Variants in UTP6 observed in about 807,000 individuals in gnomAD.
The protein encoded by UTP6 is U3 small nucleolar RNA-associated protein 6 homolog.
A neutral mutation model predicts 96.5 loss-of-function variants in UTP6; 60 were observed. The ratio of observed to expected loss-of-function variants is 0.62; its 90% confidence interval spans 0.51 to 0.77. The LOEUF (loss-of-function observed/expected upper bound fraction) is 0.77. Among genes scored for constraint, UTP6 ranks in the 30% least tolerant of loss-of-function variants. The pLI is 0.00. For synonymous variants in UTP6, 215 were observed against 240.1 expected (o/e 0.90, Z 0.96); for missense variants, 637 against 706.5 (o/e 0.90, Z 1.12).
intron 6 of UTP6, among the ~76,000 whole-genome samples, chr17:31,890,995 T>TA (rs1911461673): frequency 6.6e-6 from 1 of 152,024 alleles, no homozygotes; most frequent in African/African-American, 2.4e-5. Flanking sequence ...CTCAAAAAAA[T>TA]AAAAAATAAA....
At position 31,894,586 on chromosome 17, in the gene UTP6, C is replaced by T. The variant is rs150862148; in HGVS notation, c.312+59G>A. On this transcript the variant is annotated intron_variant, in intron 4 of 18. Transcript: ENST00000261708. ...GAAAACTGCATTTGAATCCCTAATA[C>T]AATATGTATAATACTTATCTTCACA... 1.1e-3 allele frequency: 1,321 copies of T among 1,198,536 alleles called. 6 individuals are homozygous for T. The African/African-American group carries it at 0.018, about 16-fold the overall frequency. 74.2% of individuals were successfully genotyped at this position (1,198,536 alleles called of 1,614,324 possible). A position where few individuals can be genotyped will look rare whatever the true frequency, so the allele number is the denominator to read the frequency against.
intron 10 of UTP6, 81 bp downstream of exon 10, chr17:31,884,343 C>T: frequency 8.6e-7 from 1 of 1,161,092 alleles, no homozygotes. Context: ...TCTTCTTTCT[C>T]TTCTACTAAA....
intron 16 of UTP6, among the ~76,000 whole-genome samples, chr17:31,869,989 T>G (rs1910060834): frequency 6.6e-6 from 1 of 152,230 alleles, no homozygotes; most frequent in Middle Eastern, 3.2e-3. Flanking sequence ...TCCACGCTAC[T>G]GCCAAGAACA....
At chr17:31,889,251 A>G (rs1283415813) in intron 7 of UTP6, 34 bp downstream of exon 7, 15 of 1,509,390 alleles carry the variant, frequency 9.9e-6, no homozygotes, top group African/African-American at 1.4e-5. Context: ...AAACTGAAAC[A>G]TCACTGTCTC....
At chr17:31,870,621 A>C (rs1440707224) in intron 16 of UTP6, among the ~76,000 whole-genome samples, 1 of 150,380 alleles carries the variant, frequency 6.6e-6, no homozygotes, top group Non-Finnish European at 1.5e-5. Flanking sequence ...TCCCGGGTTC[A>C]TGCCATTCTC....
chr17:31,890,015 T>C (rs1355535053), intron 6 of UTP6, among the ~76,000 whole-genome samples: 3 of 151,886 alleles, frequency 2.0e-5, no homozygotes, highest in African/African-American at 7.3e-5. Context: ...TCACATACAA[T>C]TTTTTTCTTT....
rs553020309 is a variant in UTP6 at position 31,871,933 on chromosome 17, C to T, written c.1496+1445G>A. On this transcript the variant is annotated intron_variant, in intron 16 of 18. Coordinates refer to ENST00000261708, the MANE Select transcript of UTP6 (RefSeq NM_018428.3). ...TTTAGGCCGGGCACAGTGGCTCACA[C>T]CTGTAATCCCAACACTTAGGGAGGC... Among the ~76,000 whole-genome samples the T allele has an allele frequency of 3.9e-5, 6 of 152,102 alleles. No homozygotes were observed. The East Asian group carries it at 1.2e-3, about 29-fold the overall frequency.
chr17:31,868,325 G>GGTT (rs1555572807), intron 16 of UTP6, among the ~76,000 whole-genome samples: 3 of 90,504 alleles, frequency 3.3e-5, no homozygotes, highest in Non-Finnish European at 6.1e-5. Context: ...TAGTTTTTTG[G>GGTT]TTTTTTTTTT....
At chr17:31,899,803 T>TCAAAA in intron 1 of UTP6, 73 bp from the exon 2 acceptor site, 2 of 1,106,886 alleles carry the variant, frequency 1.8e-6, no homozygotes, top group Non-Finnish European at 1.3e-6. Flanking sequence ...TTGAATATAT[T>TCAAAA]TAAAACATGT....
chr17:31,894,467 C>G (rs1221288695), intron 4 of UTP6, among the ~76,000 whole-genome samples, 178 bp downstream of exon 4: 1 of 151,916 alleles, frequency 6.6e-6, no homozygotes, highest in Non-Finnish European at 1.5e-5. Context: ...GTAATAAGAT[C>G]AATTTTCTTA....
intron 1 of UTP6, among the ~76,000 whole-genome samples, chr17:31,900,972 A>C (rs1904946919): frequency 2.0e-5 from 3 of 152,220 alleles, no homozygotes; most frequent in African/African-American, 7.2e-5. Context: ...TTGCAAAACA[A>C]AGCAACAGTC....
At chr17:31,879,379 G>C (rs572683170) in intron 11 of UTP6, among the ~76,000 whole-genome samples, 3 of 151,704 alleles carry the variant, frequency 2.0e-5, no homozygotes, top group Non-Finnish European at 4.4e-5. Context: ...AACAGCGTGA[G>C]ACTCTGTCTC....
intron 9 of UTP6, among the ~76,000 whole-genome samples, chr17:31,885,291 C>G (rs551093993): frequency 1.3e-5 from 2 of 151,528 alleles, no homozygotes; most frequent in South Asian, 4.2e-4. Flanking sequence ...ATTACAGGCG[C>G]CCACCACCAC....
intron 18 of UTP6, among the ~76,000 whole-genome samples, chr17:31,864,003 TTTTG>T (rs1442715894): frequency 6.6e-6 from 1 of 152,120 alleles, no homozygotes; most frequent in South Asian, 2.1e-4. Context: ...GCCTCATCAG[TTTTG>T]TTTTTTTGTT....
chr17:31,886,039 T>A lies in UTP6; in HGVS notation c.644A>T (p.Glu215Val), dbSNP rs536034624. The A allele has an allele frequency of 1.2e-6, 2 of 1,613,818 alleles. No homozygotes were observed. Among genetic ancestry groups the A allele is most frequent in the Admixed American group, 3.3e-5 (2 of 59,944 alleles). The change falls in exon 9 of 19, where the codon GAA becomes GTA. Residue 215 changes from glutamate to valine, a missense_variant. Glu to Val is a moderately radical substitution (Grantham distance 121). Coordinates refer to ENST00000261708, the MANE Select transcript of UTP6 (RefSeq NM_018428.3). ...CCATGCCAACTCGCCCTTAAGGATT[T>A]CTTCAGAATAATCAGGATTCTCCTA... The part of the protein sequence containing the change: ...MDVENPDYSE[E>V]ILKGELAWII...
At chr17:31,885,829 GA>G in intron 9 of UTP6, 150 bp downstream of exon 9, 3 of 647,392 alleles carry the variant, frequency 4.6e-6, no homozygotes, top group Non-Finnish European at 7.7e-6. Context: ...TATAGCCTAG[GA>G]AAAATAAGTA....
chr17:31,885,030 A>C (rs1567787296), intron 9 of UTP6: 1 of 153,470 alleles, frequency 6.5e-6, no homozygotes, highest in African/African-American at 2.4e-5. Flanking sequence ...TGGGTGACAG[A>C]GTAAGACCCT....
chr17:31,878,572 C>A, intron 12 of UTP6, 130 bp downstream of exon 12: 2 of 935,264 alleles, frequency 2.1e-6, no homozygotes, highest in Non-Finnish European at 3.3e-6. Context: ...ACGTCACCCA[C>A]AAGGAGAGAG....
Position 31,873,660 on chromosome 17 carries a change from A to G in UTP6, c.1386+13T>C. ...TTCCCCACACCACAAGACTTGGAACACGGAGCCTATACCTTAAAGACTGCC... is the reference window on the plus strand; with the variant it reads ...TTCCCCACACCACAAGACTTGGAACGCGGAGCCTATACCTTAAAGACTGCC... On this transcript the variant is annotated intron_variant, in intron 15 of 18. Coordinates refer to ENST00000261708, the MANE Select transcript of UTP6 (RefSeq NM_018428.3). 3 of 1,613,940 alleles carry G rather than the reference A, an allele frequency of 1.9e-6. No individual in the cohort carries two copies. The highest frequency in any genetic ancestry group is 2.5e-6 in the Non-Finnish European group (3 of 1,180,000).
Sources: gnomAD v4.1 joint callset for allele counts (sites outside exome capture counted in the v4.1 genomes callset) on GRCh38, gnomAD v4.1.1 for gene constraint, MANE v1.5 for transcripts, NCBI Gene and HGNC (gene_info 2026-07-23, HGNC 2026-07-21) for gene names.